DNAH1: variants seen among roughly 807,000 people sequenced by gnomAD.
The protein encoded by DNAH1 is axonemal beta dynein heavy chain 1.
Under a neutral mutation model 484.3 loss-of-function variants are expected in DNAH1, and 327 were observed. That is an observed-to-expected ratio of 0.68 (90% CI 0.62 to 0.74). The LOEUF (loss-of-function observed/expected upper bound fraction) is 0.74. Ranked by LOEUF, DNAH1 falls within the 30% of genes least tolerant of loss-of-function variation. The pLI, the probability that DNAH1 is intolerant of heterozygous loss-of-function variation, is 0.00. For synonymous variants in DNAH1, 2,192 were observed against 2,191.9 expected (o/e 1.00, Z 0.00); for missense variants, 5,052 against 5,546.8 (o/e 0.91, Z 2.83).
At position 52,370,831 on chromosome 3, in the gene DNAH1, C is replaced by T. The variant is rs757080503; in HGVS notation, c.6525+6C>T. 16 of 1,584,870 alleles carry T rather than the reference C, an allele frequency of 1.0e-5. No individual in the cohort carries two copies. Among genetic ancestry groups the T allele is most frequent in the Admixed American group, 1.8e-5 (1 of 55,150 alleles). On this transcript the variant is annotated splice_donor_region_variant and intron_variant, in intron 41 of 77. Transcript: ENST00000420323. Reference sequence around the variant, plus strand: ...AAGAGGAGGAATACAAGCAGGTGGCCGCAGGCCCTCCCCAGAGACTGCACA... The same window carrying T: ...AAGAGGAGGAATACAAGCAGGTGGCTGCAGGCCCTCCCCAGAGACTGCACA...
At chr3:52,391,771 G>C (rs949902367) in intron 63 of DNAH1, among the ~76,000 whole-genome samples, 168 bp downstream of exon 63, 1 of 152,162 alleles carries the variant, frequency 6.6e-6, no homozygotes, top group Non-Finnish European at 1.5e-5. Flanking sequence ...ACTTCCACCA[G>C]CTCCTCCTAC....
chr3:52,327,862 G>A lies in DNAH1; in HGVS notation c.739-20G>A. 1 of 1,611,714 alleles carries A rather than the reference G, an allele frequency of 6.2e-7. No homozygotes were observed. The highest frequency in any genetic ancestry group is 8.5e-7 in the Non-Finnish European group (1 of 1,177,974). On this transcript the variant is annotated intron_variant, in intron 5 of 77. Coordinates refer to ENST00000420323, the MANE Select transcript of DNAH1 (RefSeq NM_015512.5). The stretch of plus-strand genomic sequence containing the variant: ...ACTAGAGGAGCTGCTTCTTCCCAAT[G>A]TTGGCCTGCTTTCTTCCAGGTATTT...
rs758921741 is a variant in DNAH1, at chr3:52,399,597, A to G, written c.12494A>G (p.Tyr4165Cys). ...ELTQRPQVGC[Y>C]IHGLFLEGAR... The stretch of plus-strand genomic sequence containing the variant: ...ACACAAAGACCCCAAGTAGGGTGCT[A>G]TATCCATGGATTATTCCTGGAAGGT... The change falls in exon 77 of 78, where the codon TAT (tyrosine) becomes TGT (cysteine). Residue 4165 changes from tyrosine (Y) to cysteine (C), a missense_variant. This residue lies in a region of DNAH1 where 853 missense variants were observed against 899.0 expected (regional missense o/e 0.95). Transcript: ENST00000420323. 1 of 1,613,988 alleles carries G rather than the reference A, an allele frequency of 6.2e-7. No individual in the cohort carries two copies. Among genetic ancestry groups the G allele is most frequent in the African/African-American group, 1.3e-5 (1 of 75,060 alleles).
chr3:52,361,150 T>G lies in DNAH1; in HGVS notation c.4686-14T>G, dbSNP rs760704804. The G allele has an allele frequency of 1.3e-6, 2 of 1,568,638 alleles. No homozygotes were observed. The highest frequency in any genetic ancestry group is 1.7e-4 in the Middle Eastern group (1 of 5,862). ...CCATGTGCGGCCCGAGCCCACCTCC[T>G]CTGTCTCCTGCAGGTGCTACCTGAC... On this transcript the variant is annotated splice_polypyrimidine_tract_variant and intron_variant, in intron 28 of 77. Transcript: ENST00000420323. The surrounding 1 kb of genome is among the most constrained non-coding windows in gnomAD (Gnocchi z 5.6).
chr3:52,383,372 T>C lies in DNAH1; in HGVS notation c.7942-14T>C, dbSNP rs372867443. ...TGCAGGGGCTTAGCTCCCCACTCCT[T>C]CACCCCTCCCCAGATCAAGAACGAA... is the stretch of plus-strand genomic sequence containing the variant. On this transcript the variant is annotated splice_polypyrimidine_tract_variant and intron_variant, in intron 50 of 77. Coordinates refer to ENST00000420323, the MANE Select transcript of DNAH1 (RefSeq NM_015512.5). 6.2e-7 allele frequency: 1 copy of C among 1,612,238 alleles called. No individual in the cohort carries two copies. The highest frequency in any genetic ancestry group is 8.5e-7 in the Non-Finnish European group (1 of 1,178,820).
At chr3:52,349,626 G>A (rs543713141) in intron 14 of DNAH1, among the ~76,000 whole-genome samples, 2 of 152,348 alleles carry the variant, frequency 1.3e-5, no homozygotes, top group South Asian at 2.1e-4. Flanking sequence ...CCCAGGAAAC[G>A]GGGGTTTCCA....
At chr3:52,387,740 T>C (rs1450859159) in intron 56 of DNAH1, among the ~76,000 whole-genome samples, 1 of 152,184 alleles carries the variant, frequency 6.6e-6, no homozygotes, top group Non-Finnish European at 1.5e-5. Flanking sequence ...ACTACAGGGC[T>C]GGACTCTCCC....
chr3:52,360,397 G>A lies in DNAH1; in HGVS notation c.4658G>A (p.Arg1553Lys), dbSNP rs1176267484. 6.2e-7 allele frequency: 1 copy of A among 1,613,942 alleles called. No homozygotes were observed. Among genetic ancestry groups the A allele is most frequent in the Non-Finnish European group, 8.5e-7 (1 of 1,179,854 alleles). The change falls in exon 28 of 78, where the codon AGG (arginine) becomes AAG (lysine). Residue 1553 changes from arginine to lysine, a missense_variant. This residue lies in a region of DNAH1 where 2,929 missense variants were observed against 3,409.4 expected (regional missense o/e 0.86). Coordinates refer to ENST00000420323, the MANE Select transcript of DNAH1 (RefSeq NM_015512.5). ...TATGAGTACCTGGGCAACAGTGGGAGGCTGGTGATCACGCCCCTCACCGAC... is the reference window on the plus strand; with the variant it reads ...TATGAGTACCTGGGCAACAGTGGGAAGCTGGTGATCACGCCCCTCACCGAC... ...YGYEYLGNSG[R>K]LVITPLTDRC... is the part of the protein sequence containing the mutation.
At chr3:52,327,472 C>T (rs1701389152) in intron 5 of DNAH1, among the ~76,000 whole-genome samples, 1 of 152,272 alleles carries the variant, frequency 6.6e-6, no homozygotes, top group South Asian at 2.1e-4. Context: ...AGCCCCGAAT[C>T]TCACCAGTTC....
chr3:52,349,952 G>T (rs750520634), intron 14 of DNAH1, 37 bp from the exon 15 acceptor site: 3 of 1,575,106 alleles, frequency 1.9e-6, no homozygotes. Flanking sequence ...CAAGGGAGCA[G>T]CATGCTGCCC....
chr3:52,345,831 C>A, intron 10 of DNAH1, 125 bp downstream of exon 10: 1 of 1,032,394 alleles, frequency 9.7e-7, no homozygotes, highest in Non-Finnish European at 1.4e-6. Flanking sequence ...TGAGCCCCTG[C>A]TTTTCTCAAA....
rs76488723 is a variant in DNAH1 at position 52,368,155 on chromosome 3, G to A, written c.5766-586G>A. Reference sequence around the variant, plus strand: ...AGACATTGCCTGGGGGTGGTGCAGGGAAGGAGCCTCAAGAGTGATCAGTTA... The same window carrying A: ...AGACATTGCCTGGGGGTGGTGCAGGAAAGGAGCCTCAAGAGTGATCAGTTA... On this transcript the variant is annotated intron_variant, in intron 36 of 77. Transcript: ENST00000420323. This position sits in a 1 kb window ranked among gnomAD's most constrained non-coding sequence, Gnocchi z 4.4. Among the ~76,000 whole-genome samples, 2,702 of 152,338 alleles carry A rather than the reference G, an allele frequency of 0.018. 39 individuals are homozygous for A. The highest frequency in any genetic ancestry group is 0.034 in the Middle Eastern group (10 of 294).
intron 1 of DNAH1, among the ~76,000 whole-genome samples, chr3:52,320,533 C>A (rs189235166): frequency 6.6e-6 from 1 of 152,348 alleles, no homozygotes; most frequent in East Asian, 1.9e-4. Context: ...TTCAGCACTG[C>A]TGGGTAGTTT....
At position 52,346,715 on chromosome 3, in the gene DNAH1, C is replaced by T. The variant is rs774875872; in HGVS notation, c.1900C>T (p.Leu634Phe). Reference protein sequence around the residue: ...QFISDTCCSVLNCTDDMVWGD... With the variant: ...QFISDTCCSVFNCTDDMVWGD... ...CATCAGCGACACCTGTTGCAGCGTG[C>T]TCAACTGCACCGATGACATGGTCTG... The change falls in exon 11 of 78, where the codon CTC becomes TTC. Residue 634 changes from leucine to phenylalanine, a missense_variant. Leu to Phe is a conservative substitution (Grantham distance 22). Coordinates refer to ENST00000420323, the MANE Select transcript of DNAH1 (RefSeq NM_015512.5). The T allele has an allele frequency of 5.0e-6, 8 of 1,613,752 alleles. No homozygotes were observed. The highest frequency in any genetic ancestry group is 2.2e-5 in the South Asian group (2 of 91,060).
intron 52 of DNAH1, 93 bp from the exon 53 acceptor site, chr3:52,384,693 C>T: frequency 1.5e-6 from 2 of 1,342,748 alleles, no homozygotes; most frequent in Non-Finnish European, 2.0e-6. Flanking sequence ...CTGTGGCCCC[C>T]TCCTCGGCCC....
At chr3:52,312,557 GTCTCCTGGGTTCAGGCAGT>G (rs950682793), upstream of DNAH1, among the ~76,000 whole-genome samples, 7 of 149,508 alleles carry the variant, frequency 4.7e-5, no homozygotes, top group African/African-American at 1.5e-4. Flanking sequence ...TGGAACCTCT[GTCTCCTGGGTTCAGGCAGT>G]TCTCCTGCCT....
At chr3:52,356,812 A>G in intron 22 of DNAH1, 34 bp downstream of exon 22, 2 of 1,567,038 alleles carry the variant, frequency 1.3e-6, no homozygotes, top group Non-Finnish European at 1.7e-6. Context: ...GGCAGCTGGG[A>G]TCCCCAAGGG....
rs1383254403 is a variant in DNAH1, at chr3:52,353,464, C to T, written c.3311C>T (p.Pro1104Leu). 6.2e-7 allele frequency: 1 copy of T among 1,613,848 alleles called. No homozygotes were observed. Among genetic ancestry groups the T allele is most frequent in the Non-Finnish European group, 8.5e-7 (1 of 1,179,920 alleles). The change falls in exon 20 of 78, where the codon CCT becomes CTT. Residue 1104 changes from proline to leucine, a missense_variant. Physicochemically the swap from Pro to Leu is moderately conservative, Grantham distance 98 (BLOSUM62 -3). Around this residue, in one of 4 missense-constraint regions of DNAH1, gnomAD observed 2,929 missense variants for 3,409.4 expected, o/e 0.86. Coordinates refer to ENST00000420323, the MANE Select transcript of DNAH1 (RefSeq NM_015512.5). This position sits in a 1 kb window ranked among gnomAD's most constrained non-coding sequence, Gnocchi z 5.0. Reference sequence around the variant, plus strand: ...CCACTGATCCAGGGGCTGCGCAACCCTGGCATGCGGATCCGGCACTGGGAG... The same window carrying T: ...CCACTGATCCAGGGGCTGCGCAACCTTGGCATGCGGATCCGGCACTGGGAG... ...YIPLIQGLRN[P>L]GMRIRHWETL...
rs1702990322 is a variant in DNAH1, at chr3:52,364,571, G to C, written c.5245-67G>C. ...TTGGCCAACTGCCAGGTGGGAGGCA[G>C]AGTGTTCCAGGCAGAAGCCTTGGAG... is the stretch of plus-strand genomic sequence containing the variant. On this transcript the variant is annotated intron_variant, in intron 32 of 77. Coordinates refer to ENST00000420323, the MANE Select transcript of DNAH1 (RefSeq NM_015512.5). This position sits in a 1 kb window ranked among gnomAD's most constrained non-coding sequence, Gnocchi z 4.2. 2 of 1,573,182 alleles carry C rather than the reference G, an allele frequency of 1.3e-6. No individual in the cohort carries two copies. The highest frequency in any genetic ancestry group is 2.2e-5 in the South Asian group (2 of 90,214).
Sources: gnomAD v4.1 joint callset for allele counts (sites outside exome capture counted in the v4.1 genomes callset) on GRCh38, gnomAD v4.1.1 for gene constraint, gnomAD v4.1.1 regional missense constraint, Gnocchi (gnomAD v3.1) non-coding constraint, MANE v1.5 for transcripts, NCBI Gene and HGNC (gene_info 2026-07-23, HGNC 2026-07-21) for gene names.